The following LDLRAP1 variants were observed in gnomAD, a reference collection of about 807,000 sequenced individuals.
LDLRAP1 encodes the protein low density lipoprotein receptor adapter protein 1.
Under a neutral mutation model 37.8 loss-of-function variants are expected in LDLRAP1, and 30 were observed. The ratio of observed to expected loss-of-function variants is 0.79; its 90% CI spans 0.59 to 1.08. The LOEUF (loss-of-function observed/expected upper bound fraction) is 1.08. Ranked by LOEUF, LDLRAP1 falls within the 50% of genes least tolerant of loss-of-function variation. The pLI, the probability that LDLRAP1 is intolerant of heterozygous loss-of-function variation, is 0.00. For missense variants in LDLRAP1, 375 were observed against 401.6 expected (o/e 0.93, Z 0.57); for synonymous variants, 156 against 169.8 (o/e 0.92, Z 0.63).
At chr1:25,549,464 G>T (rs889427659) in intron 1 of LDLRAP1, among the ~76,000 whole-genome samples, 2 of 152,210 alleles carry the variant, frequency 1.3e-5, no homozygotes, top group South Asian at 2.1e-4. Flanking sequence ...TCTGACTCCC[G>T]GGTGGTTGGG....
At chr1:25,582,944 G>T in the LDLRAP1 span, among the ~76,000 whole-genome samples, 2 of 151,200 alleles carry the variant, frequency 1.3e-5, no homozygotes, top group Non-Finnish European at 3.0e-5. Flanking sequence ...TGGTGACGCA[G>T]GCCTGTAGTC....
intron 4 of LDLRAP1, among the ~76,000 whole-genome samples, chr1:25,560,956 A>C (rs1018648064): frequency 4.6e-5 from 7 of 152,264 alleles, no homozygotes; most frequent in African/African-American, 1.4e-4. Flanking sequence ...AGCTACCTGC[A>C]CACATCCACC....
intron 1 of LDLRAP1, among the ~76,000 whole-genome samples, chr1:25,549,321 AGGCTGGAGGCCAGAGCCCC>A (rs1479831180): frequency 6.6e-6 from 1 of 152,056 alleles, no homozygotes; most frequent in Non-Finnish European, 1.5e-5. Context: ...AGGCTGGGGG[AGGCTGGAGGCCAGAGCCCC>A]GGTTGGAGGC....
At chr1:25,552,579 T>C (rs1572030688) in intron 1 of LDLRAP1, among the ~76,000 whole-genome samples, 1 of 152,212 alleles carries the variant, frequency 6.6e-6, no homozygotes, top group Non-Finnish European at 1.5e-5. Context: ...GCACAGCATC[T>C]GTGAGGGTTT....
At chr1:25,547,499 A>G (rs74507094) in intron 1 of LDLRAP1, among the ~76,000 whole-genome samples, 8,700 of 150,552 alleles carry the variant, frequency 0.058, 616 homozygotes, top group African/African-American at 0.17. Flanking sequence ...TAAATAAATA[A>G]ATAAATAAAT....
intron 1 of LDLRAP1, among the ~76,000 whole-genome samples, chr1:25,551,567 G>T (rs1408092404): frequency 6.6e-6 from 1 of 152,148 alleles, no homozygotes; most frequent in Non-Finnish European, 1.5e-5. Flanking sequence ...CCTGATGATG[G>T]TGCTGTTATT....
In LDLRAP1 at chr1:25,553,664, G is replaced by A. The variant is rs190682888; in HGVS notation, c.89-258G>A. 3.6e-5 allele frequency: 17 copies of A among 476,140 alleles called. No homozygotes were observed. In the Admixed American group the frequency reaches 5.4e-4, roughly 15 times the overall value. The allele number at this position is 476,140 out of a possible 1,614,324, so 29.5% of individuals were successfully genotyped here. A position where few individuals can be genotyped will look rare whatever the true frequency, so the allele number is the denominator to read the frequency against. On this transcript the variant is annotated intron_variant, in intron 1 of 8. Transcript: ENST00000374338. ...GTCAGGAGTTCGAGACCAGCTACTC[G>A]GGAGGCAGAGGCAGGAGAATCGCTT...
At chr1:25,588,797 G>A in the LDLRAP1 span, among the ~76,000 whole-genome samples, 2 of 152,136 alleles carry the variant, frequency 1.3e-5, no homozygotes, top group African/African-American at 4.8e-5. Flanking sequence ...CACAGGTGTG[G>A]AGGGGCAACC....
chr1:25,569,254 A>G (rs2044567421), downstream of LDLRAP1, among the ~76,000 whole-genome samples: 1 of 152,172 alleles, frequency 6.6e-6, no homozygotes, highest in Non-Finnish European at 1.5e-5. Flanking sequence ...GATGTCCATT[A>G]TTTCCATCAC....
rs575024313 is a variant in LDLRAP1 at position 25,543,619 on chromosome 1, C to A, written c.-80C>A. The A allele has an allele frequency of 3.3e-4, 337 of 1,024,358 alleles. 1 individual carries two copies. In the African/African-American group the frequency reaches 5.4e-3, roughly 17 times the overall value. The allele number at this position is 1,024,358 out of a possible 1,614,324, so 63.5% of individuals were successfully genotyped here. A position where few individuals can be genotyped will look rare whatever the true frequency, so the allele number is the denominator to read the frequency against. On this transcript the variant is annotated 5_prime_UTR_variant, in exon 1 of 9. Coordinates refer to ENST00000374338, the MANE Select transcript of LDLRAP1 (RefSeq NM_015627.3). The stretch of plus-strand genomic sequence containing the variant: ...GCTGGGAGGGGAGGAGCGCGCAGCC[C>A]GCGCGCCGCAGGGCCGGGCGGAAAG...
intron 5 of LDLRAP1, 83 bp from the exon 6 acceptor site, chr1:25,562,987 C>G: frequency 7.3e-7 from 1 of 1,373,242 alleles, no homozygotes; most frequent in East Asian, 2.3e-5. Context: ...AGGTTGGCCA[C>G]CGCTAATCAC....
chr1:25,546,702 G>A (rs2043941759), intron 1 of LDLRAP1, among the ~76,000 whole-genome samples: 1 of 152,174 alleles, frequency 6.6e-6, no homozygotes, highest in South Asian at 2.1e-4. Context: ...GCAGGTTCCA[G>A]TAAAGCTAGT....
chr1:25,553,216 G>A (rs1036568731), intron 1 of LDLRAP1: 1 of 152,678 alleles, frequency 6.5e-6, no homozygotes, highest in Non-Finnish European at 1.5e-5. Context: ...TCATGACTTT[G>A]CCTCCCTGAG....
intron 1 of LDLRAP1, 115 bp downstream of exon 1, chr1:25,543,901 C>A (rs1489385676): frequency 6.8e-6 from 4 of 592,120 alleles, no homozygotes; most frequent in Non-Finnish European, 9.5e-6. Flanking sequence ...ACCGGCGCTC[C>A]GGTCCCGGCG....
intron 7 of LDLRAP1, 67 bp from the exon 8 acceptor site, chr1:25,565,106 C>A: frequency 1.3e-6 from 2 of 1,562,654 alleles, no homozygotes; most frequent in Admixed American, 3.3e-5. Context: ...AGGGCTGGGA[C>A]AAGCCCCAGC....
At chr1:25,557,037 C>T in intron 3 of LDLRAP1, 116 bp from the exon 4 acceptor site, 1 of 791,618 alleles carries the variant, frequency 1.3e-6, no homozygotes, top group Middle Eastern at 2.2e-4. Context: ...AGAGTCTGCC[C>T]TGGTGGAGTG....
At chr1:25,558,720 G>A (rs572236312) in intron 4 of LDLRAP1, among the ~76,000 whole-genome samples, 1 of 152,272 alleles carries the variant, frequency 6.6e-6, no homozygotes, top group African/African-American at 2.4e-5. Flanking sequence ...TCCTTCTGAT[G>A]ACATTTGGAC....
chr1:25,558,116 G>A (rs145578647), intron 4 of LDLRAP1, among the ~76,000 whole-genome samples: 202 of 152,274 alleles, frequency 1.3e-3, no homozygotes, highest in African/African-American at 4.8e-3. Context: ...GGCAAGAAGT[G>A]GAGTGGGTCA....
chr1:25,545,099 A>G (rs1371191825), intron 1 of LDLRAP1, among the ~76,000 whole-genome samples: 1 of 152,212 alleles, frequency 6.6e-6, no homozygotes, highest in Non-Finnish European at 1.5e-5. Context: ...CAGGGGATGT[A>G]CCGTTTATCA....
Sources: gnomAD v4.1 joint callset for allele counts (sites outside exome capture counted in the v4.1 genomes callset) on GRCh38, gnomAD v4.1.1 for gene constraint, MANE v1.5 for transcripts, NCBI Gene and HGNC (gene_info 2026-07-23, HGNC 2026-07-21) for gene names.